Variants in SPATS2 observed in about 807,000 individuals in gnomAD.
SPATS2 encodes the protein spermatogenesis associated serine rich 2, also known as spermatogenesis-associated serine-rich protein 2.
Under a neutral mutation model 63.7 loss-of-function variants are expected in SPATS2, and 38 were observed. That is an observed-to-expected ratio of 0.60 (90% confidence interval 0.46 to 0.78). The LOEUF is 0.78. SPATS2 is among the 30% of genes least tolerant of loss of function. SPATS2 has a pLI of 0.00. For synonymous variants in SPATS2, 207 were observed against 232.9 expected (o/e 0.89, Z 1.01); for missense variants, 588 against 666.2 (o/e 0.88, Z 1.29).
chr12:49,436,738 C>T (rs1945304965), intron 2 of SPATS2, among the ~76,000 whole-genome samples: 3 of 146,080 alleles, frequency 2.1e-5, no homozygotes, highest in Non-Finnish European at 4.6e-5. Context: ...GGGGGGCTGA[C>T]CCCCCCACAT....
At chr12:49,423,068 G>GA (rs1401178650) in intron 2 of SPATS2, among the ~76,000 whole-genome samples, 2 of 151,628 alleles carry the variant, frequency 1.3e-5, no homozygotes, top group Non-Finnish European at 2.9e-5. Flanking sequence ...CCTTTTCAAA[G>GA]AAAAAAGTCT....
intron 1 of SPATS2, among the ~76,000 whole-genome samples, chr12:49,368,634 C>T (rs1209343307): frequency 2.0e-5 from 3 of 152,148 alleles, no homozygotes; most frequent in African/African-American, 7.2e-5. Flanking sequence ...TTGATGTTAA[C>T]TTCAAATAGG....
chr12:49,502,743 C>T (rs1297999956), intron 9 of SPATS2, among the ~76,000 whole-genome samples: 1 of 152,180 alleles, frequency 6.6e-6, no homozygotes, highest in African/African-American at 2.4e-5. Context: ...AGCCATAAGC[C>T]ACTGCGCCTG....
intron 2 of SPATS2, among the ~76,000 whole-genome samples, chr12:49,396,958 C>T (rs1381241885): frequency 6.6e-6 from 1 of 152,238 alleles, no homozygotes; most frequent in East Asian, 1.9e-4. Flanking sequence ...CCATTCCCAA[C>T]ACAGTGATCA....
At chr12:49,484,454 T>C (rs1193961310) in intron 3 of SPATS2, 136 bp from the exon 4 acceptor site, 28 of 657,782 alleles carry the variant, frequency 4.3e-5, no homozygotes, top group East Asian at 4.2e-4. Flanking sequence ...GTTATCTATG[T>C]AACAGAATTT....
At chr12:49,448,470 A>G (rs979477730) in intron 2 of SPATS2, among the ~76,000 whole-genome samples, 2 of 151,768 alleles carry the variant, frequency 1.3e-5, no homozygotes, top group Non-Finnish European at 2.9e-5. Flanking sequence ...AGTTCAAAAT[A>G]TTTTCTAATT....
intron 2 of SPATS2, among the ~76,000 whole-genome samples, chr12:49,454,880 T>TAAAA (rs34249831): frequency 7.7e-6 from 1 of 129,688 alleles, no homozygotes. Context: ...GCTCTGTCTT[T>TAAAA]AAAAAAAAAA....
intron 3 of SPATS2, among the ~76,000 whole-genome samples, chr12:49,475,464 G>A (rs186243223): frequency 4.5e-4 from 68 of 151,986 alleles, no homozygotes; most frequent in African/African-American, 1.5e-3. Flanking sequence ...GTTTTGAGAC[G>A]GAGTCTTGCT....
chr12:49,409,195 C>T (rs1237716459), intron 2 of SPATS2, among the ~76,000 whole-genome samples: 1 of 152,180 alleles, frequency 6.6e-6, no homozygotes, highest in Admixed American at 6.5e-5. Context: ...TTCTGGCATC[C>T]TGTCTATCCA....
chr12:49,406,886 T>C (rs1221286318), intron 2 of SPATS2, among the ~76,000 whole-genome samples: 4 of 152,314 alleles, frequency 2.6e-5, no homozygotes, highest in Middle Eastern at 3.4e-3. Context: ...AAACATATAC[T>C]GGGAACAATC....
intron 3 of SPATS2, among the ~76,000 whole-genome samples, chr12:49,476,214 T>C (rs965321530): frequency 3.9e-5 from 6 of 151,924 alleles, no homozygotes; most frequent in African/African-American, 1.5e-4. Context: ...CACAGGCGGC[T>C]GGAGGTAGAG....
chr12:49,424,537 C>T (rs1414986201), intron 2 of SPATS2, among the ~76,000 whole-genome samples: 1 of 152,044 alleles, frequency 6.6e-6, no homozygotes, highest in Non-Finnish European at 1.5e-5. Context: ...ATTAGTTTGC[C>T]AAAAGTTATT....
At chr12:49,462,295 A>T (rs1408833883) in intron 3 of SPATS2, 1 of 702,344 alleles carries the variant, frequency 1.4e-6, no homozygotes, top group East Asian at 2.7e-5. Context: ...GCGAGTGAAC[A>T]AGGAAGGAAC....
At chr12:49,392,674 C>T (rs914227037) in intron 2 of SPATS2, among the ~76,000 whole-genome samples, 3 of 152,044 alleles carry the variant, frequency 2.0e-5, no homozygotes, top group African/African-American at 7.2e-5. Flanking sequence ...GATCTCACCA[C>T]TGCACTCCAG....
intron 10 of SPATS2, among the ~76,000 whole-genome samples, chr12:49,517,264 T>C (rs919547349): frequency 6.6e-6 from 1 of 152,218 alleles, no homozygotes; most frequent in Admixed American, 6.5e-5. Flanking sequence ...GTAGGCATGC[T>C]CCTGACTCCT....
rs778318617 is a variant in SPATS2 at position 49,461,001 on chromosome 12, G to C, written c.-12G>C. On this transcript the variant is annotated 5_prime_UTR_variant, in exon 3 of 14. Transcript: ENST00000552918. ...CTTTTCTTGTATATTTTTTGAGATC[G>C]AAGAAACGACAATGTCCAGGAAACA... 1 of 1,613,496 alleles carries C rather than the reference G, an allele frequency of 6.2e-7. No individual in the cohort carries two copies. The highest frequency in any genetic ancestry group is 2.2e-5 in the East Asian group (1 of 44,818).
At chr12:49,452,257 C>G (rs539409787) in intron 2 of SPATS2, among the ~76,000 whole-genome samples, 19 of 152,260 alleles carry the variant, frequency 1.2e-4, no homozygotes, top group African/African-American at 4.6e-4. Flanking sequence ...TTGTTCCACA[C>G]ATTTCTGAGA....
chr12:49,500,064 C>A lies in SPATS2; in HGVS notation c.704-6C>A. 1 of 1,440,086 alleles carries A rather than the reference C, an allele frequency of 6.9e-7. No homozygotes were observed. The highest frequency in any genetic ancestry group is 9.1e-7 in the Non-Finnish European group (1 of 1,096,752). The allele number at this position is 1,440,086 out of a possible 1,614,324, so 89.2% of individuals were successfully genotyped here. ...TTTTTTTAATATTTCGGTTTTTTTC[C>A]CCAAGGTTCCAATATTGAAAAATCT... On this transcript the variant is annotated splice_polypyrimidine_tract_variant and splice_region_variant and intron_variant, in intron 8 of 13. Coordinates refer to ENST00000552918, the MANE Select transcript of SPATS2 (RefSeq NM_023071.4).
chr12:49,483,553 A>C (rs1448796167), intron 3 of SPATS2, among the ~76,000 whole-genome samples: 6 of 152,238 alleles, frequency 3.9e-5, no homozygotes, highest in African/African-American at 1.2e-4. Context: ...GGTATTAACA[A>C]AAGTTAAATC....
Sources: allele counts gnomAD v4.1 joint callset (sites outside exome capture counted in the v4.1 genomes callset), GRCh38; gene constraint gnomAD v4.1.1; transcripts MANE v1.5; gene names NCBI Gene and HGNC (gene_info 2026-07-23, HGNC 2026-07-21).